HIBADH: variants seen among roughly 807,000 people sequenced by gnomAD.
HIBADH encodes 3-hydroxyisobutyrate dehydrogenase, also known as 3-hydroxyisobutyrate dehydrogenase, mitochondrial.
In HIBADH, 25 loss-of-function variants were observed where a neutral mutation model predicts 36.1. The ratio of observed to expected loss-of-function variants is 0.69; its 90% confidence interval spans 0.50 to 0.97. The LOEUF (loss-of-function observed/expected upper bound fraction) is 0.97, where lower values mean the gene tolerates loss of function less well. Among genes scored for constraint, HIBADH ranks in the 50% least tolerant of loss-of-function variants. HIBADH has a pLI of 0.00. For missense variants in HIBADH, 421 were observed against 418.0 expected (o/e 1.01, Z -0.06); for synonymous variants, 160 against 149.5 (o/e 1.07, Z -0.51).
Position 27,624,379 on chromosome 7 carries a change from G to A in HIBADH, c.484+4992C>T, listed in dbSNP as rs572771079. 2.0e-5 allele frequency among the ~76,000 whole-genome samples: 3 copies of A among 152,304 alleles called. No homozygotes were observed. The South Asian group carries it at 6.2e-4, about 32-fold the overall frequency. The stretch of plus-strand genomic sequence containing the variant: ...CATTACAATAATTCTCCTTCAGAAA[G>A]AGTTTATAACACTTGTACTAAATAA... On this transcript the variant is annotated intron_variant, in intron 4 of 7. Coordinates refer to ENST00000265395, the MANE Select transcript of HIBADH (RefSeq NM_152740.4).
Position 27,538,407 on chromosome 7 carries a change from A to G in HIBADH, c.629T>C (p.Ile210Thr), listed in dbSNP as rs1438046269. The G allele has an allele frequency of 5.0e-6, 8 of 1,612,638 alleles. No homozygotes were observed. The highest frequency in any genetic ancestry group is 3.3e-4 in the Middle Eastern group (2 of 6,076). Residue 210 changes from isoleucine to threonine, a missense_variant, in exon 6 of 8, where the codon ATC becomes ACC. Physicochemically the swap from Ile to Thr is moderately conservative, Grantham distance 89 (BLOSUM62 -1). Coordinates refer to ENST00000265395, the MANE Select transcript of HIBADH (RefSeq NM_152740.4). ...GAVGTGQAAK[I>T]CNNMLLAISM... ...AATAGCTAACAGCATGTTGTTGCAGATCTTTGCCGCCTGAAAATAAATTGA... is the reference window on the plus strand; with the variant it reads ...AATAGCTAACAGCATGTTGTTGCAGGTCTTTGCCGCCTGAAAATAAATTGA...
At chr7:27,556,273 GC>G (rs1410202550) in intron 4 of HIBADH, among the ~76,000 whole-genome samples, 1 of 152,072 alleles carries the variant, frequency 6.6e-6, no homozygotes, top group Non-Finnish European at 1.5e-5. Flanking sequence ...TCAGTAAACT[GC>G]CTATCATGTT....
chr7:27,597,247 C>T (rs550277414), intron 4 of HIBADH, among the ~76,000 whole-genome samples: 3 of 152,076 alleles, frequency 2.0e-5, no homozygotes, highest in Non-Finnish European at 2.9e-5. Flanking sequence ...GCACTATAAG[C>T]ACTAAAAGGA....
chr7:27,661,978 A>C (rs1027010744), intron 1 of HIBADH, among the ~76,000 whole-genome samples: 10 of 152,124 alleles, frequency 6.6e-5, no homozygotes, highest in Non-Finnish European at 1.3e-4. Context: ...GGCTCTAAAA[A>C]CTGCCTCTTT....
intron 4 of HIBADH, among the ~76,000 whole-genome samples, chr7:27,574,532 C>G (rs1280729726): frequency 6.6e-6 from 1 of 152,102 alleles, no homozygotes; most frequent in Non-Finnish European, 1.5e-5. Flanking sequence ...TGTAAACAAA[C>G]AAGCTTGCAA....
intron 4 of HIBADH, among the ~76,000 whole-genome samples, chr7:27,579,322 G>T (rs1784758062): frequency 6.6e-6 from 1 of 152,136 alleles, no homozygotes. Flanking sequence ...GCTGAAGGGG[G>T]CAAGAGAGAA....
At chr7:27,575,605 G>A (rs1181132589) in intron 4 of HIBADH, among the ~76,000 whole-genome samples, 1 of 152,124 alleles carries the variant, frequency 6.6e-6, no homozygotes, top group Non-Finnish European at 1.5e-5. Flanking sequence ...TATAGCAGTG[G>A]CATAGCAGCA....
Position 27,538,522 on chromosome 7 carries a change from C to A in HIBADH, c.619-105G>T, listed in dbSNP as rs1784100308. On this transcript the variant is annotated intron_variant, in intron 5 of 7. Coordinates refer to ENST00000265395, the MANE Select transcript of HIBADH (RefSeq NM_152740.4). ...AGGGGCTGCTTTCTAAAAGAAATAA[C>A]ATTCAACTGTTGATTTTCTCGAGTG... 4 of 890,428 alleles carry A rather than the reference C, an allele frequency of 4.5e-6. No homozygotes were observed. The South Asian group carries it at 5.7e-5, about 13-fold the overall frequency. The allele number at this position is 890,428 out of a possible 1,614,324, so 55.2% of individuals were successfully genotyped here. A position where few individuals can be genotyped will look rare whatever the true frequency, so the allele number is the denominator to read the frequency against.
intron 6 of HIBADH, among the ~76,000 whole-genome samples, chr7:27,537,227 C>A (rs1259315555): frequency 1.3e-5 from 2 of 152,258 alleles, no homozygotes; most frequent in Non-Finnish European, 2.9e-5. Flanking sequence ...GTAAATGGTA[C>A]ATGATATTGA....
At chr7:27,565,577 C>T (rs998222841) in intron 4 of HIBADH, among the ~76,000 whole-genome samples, 1 of 152,056 alleles carries the variant, frequency 6.6e-6, no homozygotes, top group African/African-American at 2.4e-5. Context: ...CTTGTAGACT[C>T]CTTGAACTTT....
At chr7:27,641,400 G>A (rs1291149033) in intron 2 of HIBADH, among the ~76,000 whole-genome samples, 2 of 152,018 alleles carry the variant, frequency 1.3e-5, no homozygotes, top group Non-Finnish European at 2.9e-5. Flanking sequence ...CACAGAGGGA[G>A]GAAATGGACA....
chr7:27,625,281 G>C (rs955247168), intron 4 of HIBADH, among the ~76,000 whole-genome samples: 1 of 152,096 alleles, frequency 6.6e-6, no homozygotes, highest in African/African-American at 2.4e-5. Flanking sequence ...TTTTGGTATA[G>C]AGAGGTGCCC....
intron 4 of HIBADH, among the ~76,000 whole-genome samples, chr7:27,583,574 TTAC>T (rs1466185144): frequency 2.6e-5 from 4 of 151,996 alleles, no homozygotes; most frequent in Admixed American, 2.0e-4. Flanking sequence ...AAACCTGCTT[TTAC>T]TACTAACACA....
At chr7:27,541,846 A>T in intron 5 of HIBADH, 1 of 346,482 alleles carries the variant, frequency 2.9e-6, no homozygotes, top group Non-Finnish European at 5.6e-6. Context: ...ACTCACACAA[A>T]GATGATTAGT....
intron 1 of HIBADH, among the ~76,000 whole-genome samples, chr7:27,657,858 A>G (rs1786335288): frequency 6.6e-6 from 1 of 152,158 alleles, no homozygotes; most frequent in African/African-American, 2.4e-5. Context: ...TGATCAATAA[A>G]AGTACCTACT....
At chr7:27,578,332 TTTTG>T (rs1383825819) in intron 4 of HIBADH, among the ~76,000 whole-genome samples, 1 of 152,212 alleles carries the variant, frequency 6.6e-6, no homozygotes, top group Non-Finnish European at 1.5e-5. Flanking sequence ...TTTTTTTTTT[TTTTG>T]AGACAGTTTC....
At chr7:27,647,305 T>G (rs529384129) in intron 2 of HIBADH, among the ~76,000 whole-genome samples, 2 of 152,326 alleles carry the variant, frequency 1.3e-5, no homozygotes, top group East Asian at 3.9e-4. Context: ...GATTTCATCA[T>G]GCTACTCAGA....
At chr7:27,579,213 ATAG>A (rs968109997) in intron 4 of HIBADH, among the ~76,000 whole-genome samples, 1 of 152,238 alleles carries the variant, frequency 6.6e-6, no homozygotes, top group Non-Finnish European at 1.5e-5. Context: ...CTTGGGTGTG[ATAG>A]TAGTTTTGGA....
intron 4 of HIBADH, among the ~76,000 whole-genome samples, chr7:27,608,876 G>A (rs1785277006): frequency 6.6e-6 from 1 of 152,118 alleles, no homozygotes. Context: ...ATTACTTCAG[G>A]CAGGACCCCT....
Sources: allele counts gnomAD v4.1 joint callset (sites outside exome capture counted in the v4.1 genomes callset), GRCh38; gene constraint gnomAD v4.1.1; transcripts MANE v1.5; gene names NCBI Gene and HGNC (gene_info 2026-07-23, HGNC 2026-07-21).